GOLGA5: variants seen among roughly 807,000 people sequenced by gnomAD.
GOLGA5 encodes the protein golgin subfamily A member 5.
Under a neutral mutation model 93.5 loss-of-function variants are expected in GOLGA5, and 50 were observed. The observed-to-expected ratio is 0.53, with a 90% CI of 0.43 to 0.68. The LOEUF (loss-of-function observed/expected upper bound fraction) is 0.68. GOLGA5 is among the 30% of genes least tolerant of loss of function. GOLGA5 has a pLI of 0.00. For synonymous variants in GOLGA5, 312 were observed against 304.5 expected, an observed-to-expected ratio of 1.02 and a Z score of -0.26; for missense variants, 760 against 856.4, an observed-to-expected ratio of 0.89 and a Z score of 1.40.
At chr14:92,822,712 AG>A (rs1401842530) in intron 8 of GOLGA5, among the ~76,000 whole-genome samples, 1 of 152,194 alleles carries the variant, frequency 6.6e-6, no homozygotes, top group Non-Finnish European at 1.5e-5. Context: ...GCTGGAGTGC[AG>A]TGGCGCGATC....
At chr14:92,838,881 G>A (rs1303041030) in intron 12 of GOLGA5, among the ~76,000 whole-genome samples, 2 of 152,006 alleles carry the variant, frequency 1.3e-5, no homozygotes, top group South Asian at 2.1e-4. Context: ...GTATCATTTC[G>A]GTACTACCAT....
chr14:92,821,564 C>T (rs902423287), intron 8 of GOLGA5, among the ~76,000 whole-genome samples: 2 of 152,126 alleles, frequency 1.3e-5, no homozygotes, highest in African/African-American at 4.8e-5. Flanking sequence ...CTACTATTCT[C>T]TTTATTTTAC....
In GOLGA5 at chr14:92,839,815, GTTT is replaced by G. The variant is rs35119877; in HGVS notation, c.*376_*378del. 4.9e-6 allele frequency: 1 copy of G among 203,636 alleles called. No individual in the cohort carries two copies. Among genetic ancestry groups the G allele is most frequent in the African/African-American group, 2.3e-5 (1 of 43,050 alleles). The allele number at this position is 203,636 out of a possible 1,614,324, so 12.6% of individuals were successfully genotyped here. ...TTGTATTTAGTGACAAAAATAAAAA[GTTT>G]TTTTTTATAATTCAGTCTGCTTTTG... On this transcript the variant is annotated 3_prime_UTR_variant, in exon 13 of 13. Transcript: ENST00000163416.
chr14:92,796,709 G>A (rs1884735965), intron 1 of GOLGA5, among the ~76,000 whole-genome samples: 2 of 150,066 alleles, frequency 1.3e-5, no homozygotes, highest in Admixed American at 1.3e-4. Context: ...GGTGGCTCAC[G>A]CCTGTAATCC....
chr14:92,801,158 GC>G (rs1456994772), intron 2 of GOLGA5, among the ~76,000 whole-genome samples: 2 of 152,172 alleles, frequency 1.3e-5, no homozygotes, highest in Non-Finnish European at 2.9e-5. Flanking sequence ...GTCCTGAGAT[GC>G]CTAGAAATGT....
intron 6 of GOLGA5, among the ~76,000 whole-genome samples, chr14:92,813,938 T>G (rs2140322243): frequency 6.6e-6 from 1 of 151,684 alleles, no homozygotes; most frequent in East Asian, 1.9e-4. Context: ...ACTGGAAGGA[T>G]GGGGGAAAAA....
intron 11 of GOLGA5, among the ~76,000 whole-genome samples, chr14:92,836,369 A>C (rs1024779124): frequency 2.0e-5 from 3 of 152,222 alleles, no homozygotes; most frequent in Admixed American, 6.5e-5. Context: ...ATATACCAAG[A>C]TGACTGAAGC....
At chr14:92,828,708 G>T (rs1028745864) in intron 9 of GOLGA5, among the ~76,000 whole-genome samples, 1 of 152,108 alleles carries the variant, frequency 6.6e-6, no homozygotes, top group Admixed American at 6.5e-5. Context: ...TGATTCTGTT[G>T]CCCAGACTGG....
chr14:92,805,033 TAAA>T (rs1398428213), intron 2 of GOLGA5, among the ~76,000 whole-genome samples: 33 of 152,292 alleles, frequency 2.2e-4, no homozygotes, highest in Middle Eastern at 3.4e-3. Context: ...TTCTTTTAGG[TAAA>T]ATGTACATAT....
rs1353810197 is a variant in GOLGA5, at chr14:92,819,755, G to A, written c.1539G>A (p.Gln513=). The A allele has an allele frequency of 1.2e-6, 2 of 1,613,686 alleles. No individual in the cohort carries two copies. The highest frequency in any genetic ancestry group is 1.7e-6 in the Non-Finnish European group (2 of 1,179,518). The part of the protein sequence containing the change: ...QVNEAESARE[Q]LQDLHDQIAG... ...ATGAAGCAGAATCAGCAAGAGAACA[G>A]TTACAGGATCTGCATGACCAAATAG... The change falls in exon 8 of 13, where the codon CAG becomes CAA. Residue 513 remains glutamine, a synonymous_variant. Transcript: ENST00000163416.
chr14:92,825,645 C>G (rs916801876), intron 9 of GOLGA5, among the ~76,000 whole-genome samples: 2 of 152,104 alleles, frequency 1.3e-5, no homozygotes, highest in Non-Finnish European at 1.5e-5. Flanking sequence ...AGGACCGCTT[C>G]AGCTCAGCAG....
At chr14:92,814,632 A>C (rs1258747956) in intron 6 of GOLGA5, among the ~76,000 whole-genome samples, 1 of 152,228 alleles carries the variant, frequency 6.6e-6, no homozygotes, top group Non-Finnish European at 1.5e-5. Context: ...AGAATACAAA[A>C]GAAGTTTGAA....
At chr14:92,824,082 TTTTC>T (rs1204923744) in intron 8 of GOLGA5, among the ~76,000 whole-genome samples, 1 of 152,264 alleles carries the variant, frequency 6.6e-6, no homozygotes, top group South Asian at 2.1e-4. Context: ...GAATTATTGT[TTTTC>T]TTTGTCTCAT....
At chr14:92,827,655 C>T (rs753089578) in intron 9 of GOLGA5, among the ~76,000 whole-genome samples, 5 of 152,188 alleles carry the variant, frequency 3.3e-5, no homozygotes, top group Non-Finnish European at 7.3e-5. Context: ...GATGATTAAG[C>T]TTAGTGAAGA....
chr14:92,798,722 C>G (rs1452635328), intron 2 of GOLGA5, among the ~76,000 whole-genome samples: 1 of 152,122 alleles, frequency 6.6e-6, no homozygotes, highest in Non-Finnish European at 1.5e-5. Context: ...TTGAGACCAG[C>G]CTAAACAACA....
At position 92,811,534 on chromosome 14, in the gene GOLGA5, AT is replaced by A; in HGVS notation, c.1117-16del. On this transcript the variant is annotated splice_polypyrimidine_tract_variant and intron_variant, in intron 5 of 12. Coordinates refer to ENST00000163416, the MANE Select transcript of GOLGA5 (RefSeq NM_005113.4). ...GCTAAATGATATCATTAATTATGAT[AT>A]AAAAATTTGTCACAGAGCGAGTTTG... 3 of 1,506,940 alleles carry A rather than the reference AT, an allele frequency of 2.0e-6. No homozygotes were observed. The highest frequency in any genetic ancestry group is 2.8e-6 in the Non-Finnish European group (3 of 1,083,022). 93.3% of individuals were successfully genotyped at this position (1,506,940 alleles called of 1,614,324 possible). A position where few individuals can be genotyped will look rare whatever the true frequency, so the allele number is the denominator to read the frequency against.
At position 92,797,245 on chromosome 14, in the gene GOLGA5, A is replaced by G. The variant is rs1481808044; in HGVS notation, c.-30-163A>G. Among the ~76,000 whole-genome samples, 3 of 152,104 alleles carry G rather than the reference A, an allele frequency of 2.0e-5. No homozygotes were observed. In the East Asian group the frequency reaches 5.8e-4, roughly 29 times the overall value. The stretch of plus-strand genomic sequence containing the variant: ...ACACTTTCCCCCCCATTTTCTAGAT[A>G]AGATTTCTCAGCCTCATTTAAGTAG... On this transcript the variant is annotated intron_variant, in intron 1 of 12. Coordinates refer to ENST00000163416, the MANE Select transcript of GOLGA5 (RefSeq NM_005113.4).
At chr14:92,837,341 G>A (rs190646109) in intron 11 of GOLGA5, 45 bp from the exon 12 acceptor site, 13 of 919,278 alleles carry the variant, frequency 1.4e-5, no homozygotes, top group Admixed American at 6.5e-5. Flanking sequence ...TGTTTTGACT[G>A]TGACTCTTCT....
At chr14:92,800,029 G>C (rs1203329364) in intron 2 of GOLGA5, among the ~76,000 whole-genome samples, 3 of 152,174 alleles carry the variant, frequency 2.0e-5, no homozygotes, top group Non-Finnish European at 4.4e-5. Flanking sequence ...ACAAAAACTT[G>C]TATAGAAGAA....
Sources: gnomAD v4.1 joint callset for allele counts (sites outside exome capture counted in the v4.1 genomes callset) on GRCh38, gnomAD v4.1.1 for gene constraint, MANE v1.5 for transcripts, NCBI Gene and HGNC (gene_info 2026-07-23, HGNC 2026-07-21) for gene names.